Variants in BANF2 observed in about 807,000 individuals in gnomAD.
The protein encoded by BANF2 is BANF family member 2.
A neutral mutation model predicts 8.0 loss-of-function variants in BANF2; 4 were observed. The observed-to-expected ratio is 0.50, with a 90% CI of 0.25 to 1.14. The LOEUF is 1.14. Among genes scored for constraint, BANF2 ranks in the 50% most tolerant of loss-of-function variants. The pLI is 0.16. For missense variants in BANF2, 96 were observed against 107.5 expected (o/e 0.89, Z 0.47); for synonymous variants, 50 against 40.6 (o/e 1.23, Z -0.88).
chr20:17,698,179 A>G (rs150234167), upstream of BANF2, among the ~76,000 whole-genome samples: 258 of 152,108 alleles, frequency 1.7e-3, 4 homozygotes, highest in African/African-American at 5.9e-3. Context: ...TCGCATTCCA[A>G]CCTGGGCAAC....
At chr20:17,716,841 C>CAA (rs36007590) in intron 1 of BANF2, among the ~76,000 whole-genome samples, 1,886 of 89,190 alleles carry the variant, frequency 0.021, 57 homozygotes, top group East Asian at 0.048. Context: ...GACTCCATCT[C>CAA]AAAAAAAAAA....
chr20:17,735,134 A>G (rs1319599818), intron 3 of BANF2, among the ~76,000 whole-genome samples: 1 of 152,146 alleles, frequency 6.6e-6, no homozygotes. Context: ...AGAAGAAAAG[A>G]AAAGAAATCC....
intron 3 of BANF2, among the ~76,000 whole-genome samples, chr20:17,727,228 C>T (rs984869497): frequency 1.3e-5 from 2 of 152,170 alleles, no homozygotes; most frequent in Non-Finnish European, 2.9e-5. Flanking sequence ...CCTCTTGTGT[C>T]CATGACCTCC....
At position 17,711,617 on chromosome 20, in the gene BANF2, G is replaced by T. The variant is rs117847500; in HGVS notation, c.-166-11099G>T. Among the ~76,000 whole-genome samples the T allele has an allele frequency of 9.8e-5, 15 of 152,308 alleles. 1 individual carries two copies. The East Asian group carries it at 2.7e-3, about 28-fold the overall frequency. Reference sequence around the variant, plus strand: ...GCTCTGGAGCCGGAATGGTACCAGGGAGTTGGCTCCACCTTGAGACAAGGG... The same window carrying T: ...GCTCTGGAGCCGGAATGGTACCAGGTAGTTGGCTCCACCTTGAGACAAGGG... On this transcript the variant is annotated intron_variant, in intron 1 of 3. Transcript: ENST00000246090.
chr20:17,715,886 A>T (rs1257102955), intron 1 of BANF2, among the ~76,000 whole-genome samples: 1 of 152,228 alleles, frequency 6.6e-6, no homozygotes, highest in Non-Finnish European at 1.5e-5. Flanking sequence ...GCCGTCAGGC[A>T]TGTCTAAATC....
intron 1 of BANF2, among the ~76,000 whole-genome samples, chr20:17,707,859 C>A (rs563740178): frequency 3.9e-5 from 6 of 151,932 alleles, no homozygotes; most frequent in African/African-American, 1.4e-4. Flanking sequence ...GGATTACAGG[C>A]GTGTGCCACT....
At chr20:17,704,967 A>G (rs1418321839) in intron 1 of BANF2, among the ~76,000 whole-genome samples, 1 of 152,226 alleles carries the variant, frequency 6.6e-6, no homozygotes, top group Non-Finnish European at 1.5e-5. Context: ...CAAAAGTGCC[A>G]GGATTCTGTC....
intron 3 of BANF2, among the ~76,000 whole-genome samples, chr20:17,733,350 C>A (rs775108940): frequency 3.3e-5 from 5 of 152,192 alleles, no homozygotes; most frequent in African/African-American, 1.2e-4. Context: ...TGGATTAAAA[C>A]GTGTCAGGTG....
At chr20:17,695,445 CAAAAAAAAAAA>C (rs71192401), upstream of BANF2, among the ~76,000 whole-genome samples, 2 of 51,358 alleles carry the variant, frequency 3.9e-5, no homozygotes, top group African/African-American at 8.6e-5. Flanking sequence ...GACCTTGTCT[CAAAAAAAAAAA>C]AAAAAAAAAA....
chr20:17,727,115 T>A (rs2037819327), intron 3 of BANF2, among the ~76,000 whole-genome samples: 1 of 149,600 alleles, frequency 6.7e-6, no homozygotes, highest in African/African-American at 2.5e-5. Flanking sequence ...GAACAAAAAA[T>A]GAATGAATAA....
intron 1 of BANF2, among the ~76,000 whole-genome samples, chr20:17,717,527 G>C (rs566445365): frequency 6.6e-6 from 1 of 152,282 alleles, no homozygotes; most frequent in Admixed American, 6.5e-5. Context: ...CAAAGTGAAA[G>C]AGCTATTCAT....
At chr20:17,721,027 T>C (rs1000565312) in intron 1 of BANF2, among the ~76,000 whole-genome samples, 1 of 152,222 alleles carries the variant, frequency 6.6e-6, no homozygotes, top group Admixed American at 6.5e-5. Context: ...TGAGAAGTGC[T>C]AGTTGTAATG....
chr20:17,735,176 G>C (rs186905462), intron 3 of BANF2, among the ~76,000 whole-genome samples: 1 of 152,252 alleles, frequency 6.6e-6, no homozygotes, highest in East Asian at 1.9e-4. Flanking sequence ...GTAGTGGGGC[G>C]GGAATGTCTC....
chr20:17,695,747 G>T (rs967185607), upstream of BANF2, among the ~76,000 whole-genome samples: 13 of 152,122 alleles, frequency 8.5e-5, no homozygotes, highest in African/African-American at 3.1e-4. Flanking sequence ...TTTGACAAAT[G>T]TATACACCCG....
intron 1 of BANF2, among the ~76,000 whole-genome samples, chr20:17,720,970 A>AT (rs1446656816): frequency 2.0e-5 from 3 of 152,166 alleles, no homozygotes; most frequent in Non-Finnish European, 2.9e-5. Flanking sequence ...CAGCACCTGC[A>AT]TTTTTTAACA....
intron 1 of BANF2, among the ~76,000 whole-genome samples, chr20:17,710,751 G>A (rs578059508): frequency 3.9e-5 from 6 of 152,264 alleles, no homozygotes; most frequent in Non-Finnish European, 5.9e-5. Context: ...TTCGAGCCTC[G>A]TCAGTCTGTG....
intron 1 of BANF2, among the ~76,000 whole-genome samples, chr20:17,710,198 C>T (rs551512385): frequency 1.0e-3 from 152 of 152,262 alleles, no homozygotes; most frequent in Middle Eastern, 6.8e-3. Flanking sequence ...ACTTGCAGGG[C>T]GAAGAGCCAC....
chr20:17,725,732 C>T (rs2037799327), intron 3 of BANF2, among the ~76,000 whole-genome samples: 2 of 152,228 alleles, frequency 1.3e-5, no homozygotes, highest in South Asian at 2.1e-4. Context: ...GAGGATGAGA[C>T]AGTCCCAAAG....
chr20:17,712,575 C>T, intron 1 of BANF2: 1 of 968,280 alleles, frequency 1.0e-6, no homozygotes, highest in Non-Finnish European at 1.2e-6. Flanking sequence ...CATGAACGTT[C>T]ATCTTTCTTT....
Sources: gnomAD v4.1 joint callset for allele counts (sites outside exome capture counted in the v4.1 genomes callset) on GRCh38, gnomAD v4.1.1 for gene constraint, MANE v1.5 for transcripts, NCBI Gene and HGNC (gene_info 2026-07-23, HGNC 2026-07-21) for gene names.